The following SGCG variants were observed in gnomAD, a reference collection of about 807,000 sequenced individuals.
SGCG encodes the protein gamma-sarcoglycan.
SGCG carries 26 observed loss-of-function variants against 29.3 expected under a neutral mutation model. The observed-to-expected ratio is 0.89, with a 90% CI of 0.65 to 1.23. The LOEUF (loss-of-function observed/expected upper bound fraction) is 1.23, where lower values mean the gene tolerates loss of function less well. Ranked by LOEUF, SGCG falls within the 50% of genes most tolerant of loss-of-function variation. The probability of loss-of-function intolerance (pLI) is 0.00; values close to 1 mark genes in which losing one functional copy is unlikely to be tolerated. For missense variants in SGCG, 353 were observed against 356.0 expected (o/e 0.99, Z 0.07); for synonymous variants, 145 against 129.7 (o/e 1.12, Z -0.80).
chr13:23,274,163 T>C (rs1880973065), intron 4 of SGCG, among the ~76,000 whole-genome samples: 1 of 152,144 alleles, frequency 6.6e-6, no homozygotes, highest in South Asian at 2.1e-4. Flanking sequence ...GATATCAGGA[T>C]TTTTATCCCA....
At chr13:23,174,279 T>C in the SGCG span, among the ~76,000 whole-genome samples, 1 of 152,114 alleles carries the variant, frequency 6.6e-6, no homozygotes, top group Admixed American at 6.5e-5. Context: ...AGAGCCTGCA[T>C]CACACCAATA....
chr13:23,258,808 G>A (rs920262969), intron 4 of SGCG, among the ~76,000 whole-genome samples: 1 of 152,138 alleles, frequency 6.6e-6, no homozygotes, highest in Non-Finnish European at 1.5e-5. Flanking sequence ...AGATAATCAT[G>A]TGGTTTTTGT....
chr13:23,164,437 AGGAAACTGG>A, the SGCG span, among the ~76,000 whole-genome samples: 1 of 152,182 alleles, frequency 6.6e-6, no homozygotes, highest in African/African-American at 2.4e-5. Flanking sequence ...TTAACACGGA[AGGAAACTGG>A]GCCCAGAGAG....
At chr13:23,198,047 G>A (rs1877581778) in intron 1 of SGCG, among the ~76,000 whole-genome samples, 1 of 152,184 alleles carries the variant, frequency 6.6e-6, no homozygotes, top group South Asian at 2.1e-4. Flanking sequence ...GAAAAACATT[G>A]AAACCAAAAG....
At chr13:23,227,694 C>G (rs114262154) in intron 2 of SGCG, among the ~76,000 whole-genome samples, 1,606 of 152,298 alleles carry the variant, frequency 0.011, 27 homozygotes, top group African/African-American at 0.036. Context: ...GCATCACCAT[C>G]TATGTTATGT....
At chr13:23,165,398 G>A in the SGCG span, among the ~76,000 whole-genome samples, 4 of 152,166 alleles carry the variant, frequency 2.6e-5, no homozygotes, top group African/African-American at 4.8e-5. Flanking sequence ...CCTGGACTAA[G>A]TTTTGAACTA....
the SGCG span, among the ~76,000 whole-genome samples, chr13:23,174,823 A>T: frequency 6.6e-6 from 1 of 152,102 alleles, no homozygotes; most frequent in Admixed American, 6.5e-5. Context: ...TTGCATTTTT[A>T]TTTTTTTAAT....
intron 2 of SGCG, among the ~76,000 whole-genome samples, chr13:23,223,891 G>T (rs367714248): frequency 6.6e-6 from 1 of 152,228 alleles, no homozygotes; most frequent in Non-Finnish European, 1.5e-5. Context: ...GCTTGAACCC[G>T]GGAGGTGGAG....
At chr13:23,265,873 A>G (rs930714168) in intron 4 of SGCG, among the ~76,000 whole-genome samples, 5 of 152,202 alleles carry the variant, frequency 3.3e-5, no homozygotes, top group Non-Finnish European at 2.9e-5. Context: ...GATTTCTCAA[A>G]GAACTAAAAG....
At chr13:23,226,919 T>A (rs1878920513) in intron 2 of SGCG, among the ~76,000 whole-genome samples, 1 of 152,218 alleles carries the variant, frequency 6.6e-6, no homozygotes, top group Non-Finnish European at 1.5e-5. Context: ...TTTCCTTTTA[T>A]ATGTGGGAAG....
intron 1 of SGCG, among the ~76,000 whole-genome samples, chr13:23,190,354 C>T (rs1340705328): frequency 1.3e-5 from 2 of 152,064 alleles, no homozygotes; most frequent in Admixed American, 6.5e-5. Context: ...GTAAATATAT[C>T]ATCTTTGAAA....
chr13:23,163,043 T>G, the SGCG span, among the ~76,000 whole-genome samples: 1 of 152,204 alleles, frequency 6.6e-6, no homozygotes, highest in Non-Finnish European at 1.5e-5. Context: ...TAATTCATAC[T>G]TAAGTGATGG....
chr13:23,298,076 C>G (rs536523316), intron 6 of SGCG, among the ~76,000 whole-genome samples: 6 of 150,530 alleles, frequency 4.0e-5, no homozygotes, highest in Admixed American at 3.3e-4. Flanking sequence ...TATTATACAG[C>G]CGGCCATGGT....
At chr13:23,282,344 T>G (rs1453558400) in intron 5 of SGCG, among the ~76,000 whole-genome samples, 2 of 152,244 alleles carry the variant, frequency 1.3e-5, no homozygotes, top group Non-Finnish European at 2.9e-5. Flanking sequence ...TTTTAAACTT[T>G]TACTTTAAGT....
At chr13:23,206,222 C>T (rs1889987) in intron 2 of SGCG, among the ~76,000 whole-genome samples, 22 of 152,108 alleles carry the variant, frequency 1.4e-4, no homozygotes, top group African/African-American at 5.3e-4. Flanking sequence ...TTGTACAATA[C>T]GATATCATTA....
intron 2 of SGCG, among the ~76,000 whole-genome samples, chr13:23,218,355 T>G (rs1406706790): frequency 2.0e-5 from 3 of 152,070 alleles, no homozygotes. Flanking sequence ...TTATGGCATA[T>G]AAACACCAAA....
At position 23,279,484 on chromosome 13, in the gene SGCG, T is replaced by C. The variant is rs372684728; in HGVS notation, c.505+6T>C. On this transcript the variant is annotated splice_donor_region_variant and intron_variant, in intron 5 of 7. Coordinates refer to ENST00000218867, the MANE Select transcript of SGCG (RefSeq NM_000231.3). ...AGATAAACTTCGAGTAACTGGTATG[T>C]ACTAACTCGAGAAAAACACAACATT... 8.7e-6 allele frequency: 14 copies of C among 1,612,042 alleles called. No homozygotes were observed. In the African/African-American group the frequency reaches 1.5e-4, roughly 17 times the overall value.
At position 23,318,645 on chromosome 13, in the gene SGCG, C is replaced by A. The variant is rs148234491; in HGVS notation, c.579-1992C>A. Among the ~76,000 whole-genome samples the A allele has an allele frequency of 5.6e-3, 854 of 152,156 alleles. 7 individuals are homozygous for A. Among genetic ancestry groups the A allele is most frequent in the Middle Eastern group, 0.045 (13 of 290 alleles). On this transcript the variant is annotated intron_variant, in intron 6 of 7. Coordinates refer to ENST00000218867, the MANE Select transcript of SGCG (RefSeq NM_000231.3). ...AGTTATTTTGTATCTGAGTACTGTT[C>A]AATGTGTTAATGGAAATGTATACTT... is the stretch of plus-strand genomic sequence containing the variant.
intron 2 of SGCG, among the ~76,000 whole-genome samples, chr13:23,227,324 A>AC (rs1402810732): frequency 7.1e-6 from 1 of 140,896 alleles, no homozygotes; most frequent in Non-Finnish European, 1.6e-5. Context: ...GGAAAAAAAA[A>AC]AAAAACAAAA....
Sources: allele counts gnomAD v4.1 joint callset (sites outside exome capture counted in the v4.1 genomes callset), GRCh38; gene constraint gnomAD v4.1.1; transcripts MANE v1.5; gene names NCBI Gene and HGNC (gene_info 2026-07-23, HGNC 2026-07-21).